Variants in ZNF385B observed in about 807,000 individuals in gnomAD.
The protein encoded by ZNF385B is zinc finger protein 385B, also known as zinc finger protein 533.
ZNF385B carries 23 observed loss-of-function variants against 39.2 expected under a neutral mutation model. The observed-to-expected ratio is 0.59, with a 90% CI of 0.42 to 0.83. The LOEUF is 0.83. Among genes scored for constraint, ZNF385B ranks in the 40% least tolerant of loss-of-function variants. The probability of loss-of-function intolerance (pLI) is 0.00; values close to 1 mark genes in which losing one functional copy is unlikely to be tolerated. For synonymous variants in ZNF385B, 205 were observed against 222.6 expected, an observed-to-expected ratio of 0.92 and a Z score of 0.70; for missense variants, 552 against 598.9, an observed-to-expected ratio of 0.92 and a Z score of 0.82.
In ZNF385B at chr2:179,759,188, T is replaced by A. The variant is rs573850082; in HGVS notation, c.298+10315A>T. 2.6e-5 allele frequency among the ~76,000 whole-genome samples: 4 copies of A among 152,270 alleles called. No individual in the cohort carries two copies. In the East Asian group the frequency reaches 7.7e-4, roughly 29 times the overall value. Reference sequence around the variant, plus strand: ...GATGTCAGTCACTAGCTATATTAGTTCTACATAGAGAACTAATATGGTCAG... The same window carrying A: ...GATGTCAGTCACTAGCTATATTAGTACTACATAGAGAACTAATATGGTCAG... On this transcript the variant is annotated intron_variant, in intron 3 of 9. Transcript: ENST00000410066.
At chr2:179,831,889 T>C (rs939227061) in intron 1 of ZNF385B, among the ~76,000 whole-genome samples, 1 of 152,250 alleles carries the variant, frequency 6.6e-6, no homozygotes, top group African/African-American at 2.4e-5. Flanking sequence ...GACTCCCTGC[T>C]ATTTTTCTGA....
At chr2:179,740,101 G>C (rs1265287852) in intron 3 of ZNF385B, among the ~76,000 whole-genome samples, 1 of 152,098 alleles carries the variant, frequency 6.6e-6, no homozygotes, top group Non-Finnish European at 1.5e-5. Flanking sequence ...TCTTCAAAAT[G>C]TAGCCTGCCC....
At chr2:179,476,016 CAAAAA>C (rs34327373) in intron 6 of ZNF385B, among the ~76,000 whole-genome samples, 4 of 57,010 alleles carry the variant, frequency 7.0e-5, no homozygotes, top group South Asian at 8.5e-4. Context: ...GCCTCTGTCT[CAAAAA>C]AAAAAAAAAA....
At chr2:179,748,457 T>C (rs146957854) in intron 3 of ZNF385B, among the ~76,000 whole-genome samples, 262 of 152,198 alleles carry the variant, frequency 1.7e-3, no homozygotes, top group African/African-American at 5.9e-3. Flanking sequence ...CTCACCCTCT[T>C]CTCATTGTAC....
chr2:179,769,873 A>G, intron 2 of ZNF385B, 71 bp from the exon 3 acceptor site: 3 of 1,425,044 alleles, frequency 2.1e-6, no homozygotes, highest in Non-Finnish European at 2.8e-6. Context: ...ATTACAATTA[A>G]TCTTTAAGGG....
At chr2:179,462,595 C>T (rs2051464852) in intron 6 of ZNF385B, among the ~76,000 whole-genome samples, 2 of 151,514 alleles carry the variant, frequency 1.3e-5, no homozygotes, top group Non-Finnish European at 2.9e-5. Flanking sequence ...AAAAAAAAAG[C>T]ACACAGGCTG....
intron 3 of ZNF385B, among the ~76,000 whole-genome samples, chr2:179,743,983 C>A (rs1245227088): frequency 6.6e-6 from 1 of 152,028 alleles, no homozygotes; most frequent in Admixed American, 6.6e-5. Flanking sequence ...GTATTAAAGC[C>A]TTTCCCTCTC....
chr2:179,549,960 A>C (rs994742672), intron 3 of ZNF385B, among the ~76,000 whole-genome samples: 1 of 149,172 alleles, frequency 6.7e-6, no homozygotes, highest in African/African-American at 2.5e-5. Flanking sequence ...TTAATTACAC[A>C]TTACTCTTCA....
chr2:179,816,292 T>C (rs910166224), intron 1 of ZNF385B, among the ~76,000 whole-genome samples: 3 of 152,186 alleles, frequency 2.0e-5, no homozygotes, highest in Admixed American at 6.5e-5. Context: ...ATCTAATCAC[T>C]TCTCTCCACT....
chr2:179,467,668 T>C lies in ZNF385B; in HGVS notation c.715+15604A>G, dbSNP rs2052223839. 2.6e-5 allele frequency among the ~76,000 whole-genome samples: 4 copies of C among 152,208 alleles called. No homozygotes were observed. The South Asian group carries it at 8.3e-4, about 32-fold the overall frequency. On this transcript the variant is annotated intron_variant, in intron 6 of 9. Transcript: ENST00000410066. ...ACCCTCTCTCTTCAAGCATGGTTCA[T>C]GACTGTGAAGCTTGCTAAATCCTAA... is the stretch of plus-strand genomic sequence containing the variant.
chr2:179,716,140 G>T (rs1320700973), intron 3 of ZNF385B, among the ~76,000 whole-genome samples: 1 of 152,102 alleles, frequency 6.6e-6, no homozygotes, highest in Admixed American at 6.6e-5. Flanking sequence ...GGAGACATCA[G>T]TCACTATTTT....
intron 3 of ZNF385B, among the ~76,000 whole-genome samples, chr2:179,750,634 C>T (rs17825125): frequency 0.092 from 13,993 of 152,086 alleles, 722 homozygotes; most frequent in Non-Finnish European, 0.11. Context: ...TGTCCCTTCA[C>T]TAAAAACCAT....
At chr2:179,518,486 G>A (rs1157091808) in intron 5 of ZNF385B, 42 bp downstream of exon 5, 1 of 1,375,704 alleles carries the variant, frequency 7.3e-7, no homozygotes, top group East Asian at 2.4e-5. Context: ...CAGACTTTTA[G>A]CTCTGACAAA....
Position 179,483,399 on chromosome 2 carries a change from A to C in ZNF385B, c.588T>G (p.His196Gln). The C allele has an allele frequency of 5.0e-6, 8 of 1,613,976 alleles. No homozygotes were observed. Among genetic ancestry groups the C allele is most frequent in the Non-Finnish European group, 6.8e-6 (8 of 1,179,898 alleles). ...QAEAHYKGSK[H>Q]AKKVKALDAT... ...CGTCTAGTGCTTTGACCTTCTTGGC[A>C]TGTTTACTTCCTTTGTAGTGGGCCT... Residue 196 changes from histidine to glutamine, a missense_variant, in exon 6 of 10, where the codon CAT becomes CAG. By Grantham distance (24) the His-to-Gln change is conservative. Transcript: ENST00000410066.
chr2:179,687,140 T>C (rs780119392), intron 3 of ZNF385B, among the ~76,000 whole-genome samples: 3 of 151,598 alleles, frequency 2.0e-5, no homozygotes, highest in Non-Finnish European at 4.4e-5. Flanking sequence ...CTGTCAAGAA[T>C]ACCCATGGGT....
chr2:179,744,096 G>T (rs937982039), intron 3 of ZNF385B, among the ~76,000 whole-genome samples: 1 of 152,020 alleles, frequency 6.6e-6, no homozygotes, highest in Non-Finnish European at 1.5e-5. Flanking sequence ...CAAATGTATT[G>T]CAAAAAATAA....
intron 3 of ZNF385B, among the ~76,000 whole-genome samples, chr2:179,759,273 G>C (rs989788033): frequency 6.6e-6 from 1 of 152,054 alleles, no homozygotes; most frequent in African/African-American, 2.4e-5. Context: ...GCAATTGTGT[G>C]GTACCCTGGG....
At chr2:179,514,590 G>C (rs996126442) in intron 5 of ZNF385B, among the ~76,000 whole-genome samples, 1 of 152,164 alleles carries the variant, frequency 6.6e-6, no homozygotes, top group East Asian at 1.9e-4. Flanking sequence ...GCAAAGAAGA[G>C]TGTCAATAGT....
At chr2:179,534,540 A>G (rs1304945090) in intron 4 of ZNF385B, among the ~76,000 whole-genome samples, 9 of 152,212 alleles carry the variant, frequency 5.9e-5, no homozygotes. Context: ...TAAATATAAT[A>G]AACTCAAATC....
Sources: allele counts gnomAD v4.1 joint callset (sites outside exome capture counted in the v4.1 genomes callset), GRCh38; gene constraint gnomAD v4.1.1; transcripts MANE v1.5; gene names NCBI Gene and HGNC (gene_info 2026-07-23, HGNC 2026-07-21).